PPP2R5E: variants seen among roughly 807,000 people sequenced by gnomAD.
PPP2R5E encodes serine/threonine-protein phosphatase 2A 56 kDa regulatory subunit epsilon isoform.
In PPP2R5E, 4 loss-of-function variants were observed where a neutral mutation model predicts 65.3. The observed-to-expected ratio is 0.06, with a 90% CI of 0.03 to 0.14. The LOEUF (loss-of-function observed/expected upper bound fraction) is 0.14. Among genes scored for constraint, PPP2R5E ranks in the 10% least tolerant of loss-of-function variants. The pLI, the probability that PPP2R5E is intolerant of heterozygous loss-of-function variation, is 1.00. For synonymous variants in PPP2R5E, 183 were observed against 187.4 expected (o/e 0.98, Z 0.19); for missense variants, 274 against 556.1 (o/e 0.49, Z 5.10).
At chr14:63,460,199 A>T (rs1390154036) in intron 2 of PPP2R5E, among the ~76,000 whole-genome samples, 1 of 152,212 alleles carries the variant, frequency 6.6e-6, no homozygotes, top group Admixed American at 6.5e-5. Flanking sequence ...GACACACATT[A>T]TCCCTTTTAA....
At chr14:63,481,495 CAAAAA>C (rs59764365) in intron 2 of PPP2R5E, among the ~76,000 whole-genome samples, 2 of 93,102 alleles carry the variant, frequency 2.1e-5, no homozygotes, top group South Asian at 4.0e-4. Context: ...GACTCCATCT[CAAAAA>C]AAAAAAAAAA....
intron 2 of PPP2R5E, among the ~76,000 whole-genome samples, chr14:63,506,286 T>A (rs1184966116): frequency 3.3e-5 from 5 of 151,796 alleles, no homozygotes; most frequent in Admixed American, 6.6e-5. Context: ...CCGTCTCTAC[T>A]AAAAATACAA....
intron 2 of PPP2R5E, among the ~76,000 whole-genome samples, chr14:63,458,773 A>G (rs1306390918): frequency 6.6e-6 from 1 of 152,222 alleles, no homozygotes; most frequent in African/African-American, 2.4e-5. Flanking sequence ...CCTAATGAAC[A>G]ATATTTATAA....
At chr14:63,461,685 T>C (rs1372135002) in intron 2 of PPP2R5E, among the ~76,000 whole-genome samples, 1 of 150,744 alleles carries the variant, frequency 6.6e-6, no homozygotes. Flanking sequence ...GTGCCTGTAG[T>C]CCCAGGTACT....
chr14:63,503,089 T>A (rs909525937), intron 2 of PPP2R5E, among the ~76,000 whole-genome samples: 9 of 152,144 alleles, frequency 5.9e-5, no homozygotes, highest in Non-Finnish European at 1.5e-5. Flanking sequence ...AATGGTCCAA[T>A]GAGCAATACA....
chr14:63,528,641 G>A (rs1027716509), intron 2 of PPP2R5E, among the ~76,000 whole-genome samples: 25 of 151,778 alleles, frequency 1.6e-4, no homozygotes, highest in African/African-American at 5.6e-4. Context: ...TTTATATTTT[G>A]TGTAAATTAT....
intron 2 of PPP2R5E, among the ~76,000 whole-genome samples, chr14:63,515,197 C>T (rs997976398): frequency 2.0e-5 from 3 of 152,112 alleles, no homozygotes; most frequent in Non-Finnish European, 2.9e-5. Flanking sequence ...AGAAAATAAA[C>T]AACTATACGG....
intron 2 of PPP2R5E, among the ~76,000 whole-genome samples, chr14:63,535,879 A>AC (rs1464029498): frequency 2.0e-5 from 3 of 152,248 alleles, no homozygotes; most frequent in Non-Finnish European, 4.4e-5. Flanking sequence ...GGCCAAAAAA[A>AC]ATAAAATCCT....
In PPP2R5E at chr14:63,373,561, G is replaced by T. The variant is rs1883811143; in HGVS notation, c.*2448C>A. 6.6e-6 allele frequency: 1 copy of T among 152,156 alleles called. No homozygotes were observed. Among genetic ancestry groups the T allele is most frequent in the Non-Finnish European group, 1.5e-5 (1 of 68,026 alleles). The allele number at this position is 152,156 out of a possible 1,614,324, so 9.4% of individuals were successfully genotyped here. On this transcript the variant is annotated 3_prime_UTR_variant, in exon 14 of 14. Transcript: ENST00000337537. ...TTGCCCTACGAATTTTAGACATATA[G>T]CTTTAATTGATTCTATAAATATGTC...
chr14:63,419,622 GGTCCAAAAGCAACAGA>G (rs565167072), intron 4 of PPP2R5E, among the ~76,000 whole-genome samples: 4,789 of 152,264 alleles, frequency 0.031, 144 homozygotes, highest in East Asian at 0.13. Context: ...CAGGAGCCTT[GGTCCAAAAGCAACAGA>G]TGGTGAAGGC....
At chr14:63,505,152 T>C (rs371192901) in intron 2 of PPP2R5E, among the ~76,000 whole-genome samples, 4 of 152,230 alleles carry the variant, frequency 2.6e-5, no homozygotes, top group Admixed American at 6.5e-5. Context: ...CTGGCCAACA[T>C]GGTGAAACCC....
At chr14:63,405,251 G>C (rs1177529946) in intron 5 of PPP2R5E, among the ~76,000 whole-genome samples, 2 of 152,218 alleles carry the variant, frequency 1.3e-5, no homozygotes, top group African/African-American at 4.8e-5. Context: ...GGCTGTGAGA[G>C]AGAAATGTAA....
At chr14:63,399,801 A>G (rs1885641484) in intron 5 of PPP2R5E, among the ~76,000 whole-genome samples, 1 of 152,160 alleles carries the variant, frequency 6.6e-6, no homozygotes, top group Non-Finnish European at 1.5e-5. Flanking sequence ...TTTACAGCAA[A>G]ACATTTCAAG....
At chr14:63,470,499 T>A (rs8018107) in intron 2 of PPP2R5E, among the ~76,000 whole-genome samples, 44,558 of 150,224 alleles carry the variant, frequency 0.3, 8,230 homozygotes, top group African/African-American at 0.52. Flanking sequence ...TCTGATAATG[T>A]GGTGATTGAT....
At chr14:63,500,355 C>T (rs1891805715) in intron 2 of PPP2R5E, among the ~76,000 whole-genome samples, 2 of 152,118 alleles carry the variant, frequency 1.3e-5, no homozygotes, top group Non-Finnish European at 2.9e-5. Flanking sequence ...CACCAAGGTG[C>T]CAAATGAAGA....
chr14:63,533,509 C>T (rs1239520667), intron 2 of PPP2R5E, among the ~76,000 whole-genome samples: 2 of 152,110 alleles, frequency 1.3e-5, no homozygotes, highest in African/African-American at 2.4e-5. Context: ...TGTGGTGAGC[C>T]GAGATCGCAC....
At position 63,477,872 on chromosome 14, in the gene PPP2R5E, A is replaced by AT. The variant is rs1323784734; in HGVS notation, c.158-23988_158-23987insA. Among the ~76,000 whole-genome samples the AT allele has an allele frequency of 1.4e-4, 21 of 151,600 alleles. No homozygotes were observed. The East Asian group carries it at 2.5e-3, about 18-fold the overall frequency. On this transcript the variant is annotated intron_variant, in intron 2 of 13. Transcript: ENST00000337537. Reference sequence around the variant, plus strand: ...GAAAAAAATTTAAATATATATATATAAAATTTTTAAATGTATACTGAAACT... The same window carrying AT: ...GAAAAAAATTTAAATATATATATATATAAATTTTTAAATGTATACTGAAACT...
intron 2 of PPP2R5E, among the ~76,000 whole-genome samples, chr14:63,511,385 C>G (rs1314221886): frequency 6.6e-6 from 1 of 152,164 alleles, no homozygotes; most frequent in Non-Finnish European, 1.5e-5. Flanking sequence ...TAGCCCTTGC[C>G]AACCGTCATG....
intron 2 of PPP2R5E, among the ~76,000 whole-genome samples, chr14:63,539,115 A>C (rs1893786598): frequency 6.6e-6 from 1 of 152,138 alleles, no homozygotes; most frequent in South Asian, 2.1e-4. Flanking sequence ...TCTTCCAAAT[A>C]CCATTTTCTA....
Sources: allele counts gnomAD v4.1 joint callset (sites outside exome capture counted in the v4.1 genomes callset), GRCh38; gene constraint gnomAD v4.1.1; transcripts MANE v1.5; gene names NCBI Gene and HGNC (gene_info 2026-07-23, HGNC 2026-07-21).